MGAM2: variants seen among roughly 807,000 people sequenced by gnomAD.
MGAM2 encodes probable maltase-glucoamylase 2.
MGAM2 carries 98 observed loss-of-function variants against 96.1 expected under a neutral mutation model. The ratio of observed to expected loss-of-function variants is 1.02; its 90% CI spans 0.87 to 1.21. The LOEUF is 1.21. MGAM2 is among the 50% of genes most tolerant of loss of function. The pLI, the probability that MGAM2 is intolerant of heterozygous loss-of-function variation, is 0.00. For missense variants in MGAM2, 2,055 were observed against 1,182.4 expected (o/e 1.74, Z -10.82); for synonymous variants, 749 against 414.8 (o/e 1.81, Z -9.79).
chr7:142,168,729 T>C (rs1407909005), intron 26 of MGAM2, among the ~76,000 whole-genome samples: 1 of 152,098 alleles, frequency 6.6e-6, no homozygotes, highest in African/African-American at 2.4e-5. Context: ...TTTAAATGTA[T>C]ATTTTAAAAG....
chr7:142,140,604 G>A (rs1180549083), intron 10 of MGAM2, among the ~76,000 whole-genome samples, 198 bp from the exon 11 acceptor site: 2 of 152,180 alleles, frequency 1.3e-5, no homozygotes, highest in East Asian at 3.8e-4. Context: ...TCAGGACAAG[G>A]AGGTAAAACA....
At chr7:142,165,242 C>G (rs1035895602) in intron 24 of MGAM2, among the ~76,000 whole-genome samples, 2 of 152,246 alleles carry the variant, frequency 1.3e-5, no homozygotes, top group Non-Finnish European at 2.9e-5. Flanking sequence ...GGAGTCGGAA[C>G]CCCGAGAGAA....
intron 33 of MGAM2, among the ~76,000 whole-genome samples, chr7:142,184,791 A>G (rs1438980581): frequency 6.6e-6 from 1 of 152,232 alleles, no homozygotes; most frequent in Non-Finnish European, 1.5e-5. Context: ...GAGATCAGAG[A>G]TCTGAGAAAT....
Position 142,218,609 on chromosome 7 carries a change from CAATT to C in MGAM2, c.5358+81_5358+84del, listed in dbSNP as rs1797834173. On this transcript the variant is annotated intron_variant, in intron 47 of 47. Coordinates refer to ENST00000477922, the MANE Select transcript of MGAM2 (RefSeq NM_001293626.2). Reference sequence around the variant, plus strand: ...AAATTATCACCAATAATTTTGCTAACAATTAAAATTATCATTGTTAAATTTTCAT... The same window carrying C: ...AAATTATCACCAATAATTTTGCTAACAAAATTATCATTGTTAAATTTTCAT... 2.1e-5 allele frequency: 12 copies of C among 572,566 alleles called. 2 individuals are homozygous for C. The South Asian group carries it at 2.9e-4, about 14-fold the overall frequency. 35.5% of individuals were successfully genotyped at this position (572,566 alleles called of 1,614,324 possible).
rs954444756 is a variant in MGAM2, at chr7:142,114,164, A to G, written c.-1+2357A>G. On this transcript the variant is annotated intron_variant, in intron 1 of 47. Transcript: ENST00000477922. ...AAAGAAAGAAAGAAGGAAAGAAAGAAAGAAAGAAAGAAAGAAAGAAAGAAA... is the reference window on the plus strand; with the variant it reads ...AAAGAAAGAAAGAAGGAAAGAAAGAGAGAAAGAAAGAAAGAAAGAAAGAAA... Among the ~76,000 whole-genome samples, 29 of 105,500 alleles carry G rather than the reference A, an allele frequency of 2.7e-4. 1 individual carries two copies. The highest frequency in any genetic ancestry group is 1.6e-3 in the African/African-American group (27 of 17,126). The allele number at this position is 105,500 out of a possible 152,430, so 69.2% of individuals were successfully genotyped here. A position where few individuals can be genotyped will look rare whatever the true frequency, so the allele number is the denominator to read the frequency against.
intron 6 of MGAM2, 106 bp downstream of exon 6, chr7:142,132,191 G>A (rs1026034267): frequency 1.9e-5 from 10 of 525,088 alleles, no homozygotes; most frequent in Admixed American, 3.6e-5. Flanking sequence ...TAGAGAAAAT[G>A]TTTGAATATT....
chr7:142,129,998 A>G (rs1585146656), intron 3 of MGAM2, among the ~76,000 whole-genome samples: 1 of 152,224 alleles, frequency 6.6e-6, no homozygotes, highest in Non-Finnish European at 1.5e-5. Context: ...GAGGAAGGTG[A>G]ATGCCTGTGT....
chr7:142,180,360 C>T (rs1246208868), intron 32 of MGAM2, among the ~76,000 whole-genome samples: 2 of 151,912 alleles, frequency 1.3e-5, no homozygotes. Context: ...TAGCTCTGCT[C>T]TGATTATGAT....
At chr7:142,141,269 A>G (rs1795221426) in intron 12 of MGAM2, 150 bp downstream of exon 12, 1 of 535,008 alleles carries the variant, frequency 1.9e-6, no homozygotes, top group African/African-American at 1.9e-5. Flanking sequence ...CAGTAGATAT[A>G]ATAATAGAAT....
chr7:142,156,131 G>A (rs181424366), intron 17 of MGAM2, among the ~76,000 whole-genome samples: 88 of 150,704 alleles, frequency 5.8e-4, no homozygotes, highest in Admixed American at 2.5e-3. Context: ...GGCAACGAGA[G>A]CAAAATTCCG....
At chr7:142,136,197 T>C (rs1795056125) in intron 7 of MGAM2, among the ~76,000 whole-genome samples, 1 of 152,200 alleles carries the variant, frequency 6.6e-6, no homozygotes, top group Non-Finnish European at 1.5e-5. Context: ...TCTGTCCCTA[T>C]AGATTTGACT....
In MGAM2 at chr7:142,117,132, A is replaced by C. The variant is rs1817436481; in HGVS notation, c.106+153A>C. Among the ~76,000 whole-genome samples the C allele has an allele frequency of 3.3e-5, 5 of 152,308 alleles. No homozygotes were observed. The South Asian group carries it at 8.3e-4, about 25-fold the overall frequency. On this transcript the variant is annotated intron_variant, in intron 2 of 47. Transcript: ENST00000477922. ...ATTAGTTTAAGTTCAACTCCAAAAGATAAGTGTTCTTTTTCTGCACTGAAA... is the reference window on the plus strand; with the variant it reads ...ATTAGTTTAAGTTCAACTCCAAAAGCTAAGTGTTCTTTTTCTGCACTGAAA...
chr7:142,210,215 C>T (rs371542248), intron 46 of MGAM2, among the ~76,000 whole-genome samples: 18 of 152,264 alleles, frequency 1.2e-4, no homozygotes, highest in East Asian at 3.9e-4. Context: ...AGGAGATTCC[C>T]TCAGGTGCCT....
intron 6 of MGAM2, 30 bp from the exon 7 acceptor site, chr7:142,133,951 G>T: frequency 1.5e-6 from 1 of 671,078 alleles, no homozygotes; most frequent in Admixed American, 2.1e-5. Context: ...GTTTTTCGGT[G>T]ATTCTTGCTC....
In MGAM2 at chr7:142,131,986, T is replaced by C; in HGVS notation, c.476T>C (p.Val159Ala). ...GTTTCCCATGAAAATATTAACCTGG[T>C]TGATGGGATTGCTGATGCCTCCAAT... ...YEVSHENINL[V>A]DGIADASNLS... is the part of the protein sequence containing the mutation. The change falls in exon 6 of 48, where the codon GTT (valine) becomes GCT (alanine). Residue 159 changes from valine (V) to alanine (A), a missense_variant. Physicochemically the swap from Val to Ala is moderately conservative, Grantham distance 64 (BLOSUM62 0). Transcript: ENST00000477922. 1 of 703,010 alleles carries C rather than the reference T, an allele frequency of 1.4e-6. No individual in the cohort carries two copies. The highest frequency in any genetic ancestry group is 2.6e-6 in the Non-Finnish European group (1 of 385,006). 43.5% of individuals were successfully genotyped at this position (703,010 alleles called of 1,614,324 possible). A position where few individuals can be genotyped will look rare whatever the true frequency, so the allele number is the denominator to read the frequency against.
Position 142,131,009 on chromosome 7 carries a change from G to C in MGAM2, c.248G>C (p.Arg83Thr), listed in dbSNP as rs114164851. 2.5e-4 allele frequency: 175 copies of C among 702,642 alleles called. No individual in the cohort carries two copies. In the African/African-American group the frequency reaches 2.8e-3, roughly 11 times the overall value. The allele number at this position is 702,642 out of a possible 1,614,324, so 43.5% of individuals were successfully genotyped here. A position where few individuals can be genotyped will look rare whatever the true frequency, so the allele number is the denominator to read the frequency against. Residue 83 changes from arginine to threonine, a missense_variant, in exon 4 of 48, where the codon AGG becomes ACG. By Grantham distance (71) the Arg-to-Thr change is moderately conservative. Coordinates refer to ENST00000477922, the MANE Select transcript of MGAM2 (RefSeq NM_001293626.2). ...CCTGTGGCAGATGCCAATGTCCCTA[G>C]GTGCTTCTTCCCCTGGAACTGGGGC... ...WSPVADANVP[R>T]CFFPWNWGYE...
At chr7:142,160,744 A>G (rs766517256) in intron 21 of MGAM2, among the ~76,000 whole-genome samples, 5 of 151,386 alleles carry the variant, frequency 3.3e-5, no homozygotes, top group Non-Finnish European at 7.4e-5. Context: ...TTATTGGTAA[A>G]CTGGAGATGA....
intron 46 of MGAM2, among the ~76,000 whole-genome samples, chr7:142,212,940 C>T (rs935008897): frequency 2.6e-5 from 4 of 152,058 alleles, no homozygotes; most frequent in Non-Finnish European, 5.9e-5. Flanking sequence ...GGAAGTAATA[C>T]GCTCCTCAGA....
rs757777560 is a variant in MGAM2 at position 142,221,374 on chromosome 7, G to A, written c.6863G>A (p.Gly2288Asp). Residue 2288 changes from glycine (G) to aspartate (D), a missense_variant, in exon 48 of 48, where the codon GGC becomes GAC. Transcript: ENST00000477922. ...ACTACAAGTAATAATACTAATCCTG[G>A]CATGACTACTTATTACCAGACTTCT... ...ATTTSNNTNP[G>D]MTTYYQTSPT... 29 of 609,572 alleles carry A rather than the reference G, an allele frequency of 4.8e-5. No individual in the cohort carries two copies. The highest frequency in any genetic ancestry group is 7.3e-5 in the Non-Finnish European group (25 of 342,286). 37.8% of individuals were successfully genotyped at this position (609,572 alleles called of 1,614,324 possible).
Sources: allele counts gnomAD v4.1 joint callset (sites outside exome capture counted in the v4.1 genomes callset), GRCh38; gene constraint gnomAD v4.1.1; transcripts MANE v1.5; gene names NCBI Gene and HGNC (gene_info 2026-07-23, HGNC 2026-07-21).